Variants in BAHCC1 observed in about 807,000 individuals in gnomAD.
BAHCC1 encodes BAH domain and coiled-coil containing 1, also known as BAH and coiled-coil domain-containing protein 1.
In BAHCC1, 43 loss-of-function variants were observed where a neutral mutation model predicts 88.2. That is an observed-to-expected ratio of 0.49 (90% CI 0.38 to 0.63). The LOEUF is 0.63. BAHCC1 is among the 20% of genes least tolerant of loss of function. The probability of loss-of-function intolerance (pLI) is 0.00; values close to 1 mark genes in which losing one functional copy is unlikely to be tolerated. For synonymous variants in BAHCC1, 1,510 were observed against 745.5 expected, an observed-to-expected ratio of 2.03 and a Z score of -16.71; for missense variants, 3,023 against 1,654.8, an observed-to-expected ratio of 1.83 and a Z score of -14.34.
Position 81,464,149 on chromosome 17 carries a change from G to C in BAHCC1, c.*332G>C, listed in dbSNP as rs781827461. On this transcript the variant is annotated 3_prime_UTR_variant, in exon 28 of 28. Coordinates refer to ENST00000675386, the MANE Select transcript of BAHCC1 (RefSeq NM_001377448.1). ...CCAAGCCATATTCCCTAGTACCTCC[G>C]ACTGTCTCCCACCAGGGAAAGCAGA... The C allele has an allele frequency of 7.4e-6, 3 of 402,904 alleles. No individual in the cohort carries two copies. The highest frequency in any genetic ancestry group is 9.1e-6 in the Non-Finnish European group (2 of 219,190). 25.0% of individuals were successfully genotyped at this position (402,904 alleles called of 1,614,324 possible). A position where few individuals can be genotyped will look rare whatever the true frequency, so the allele number is the denominator to read the frequency against.
At chr17:81,406,953 C>T (rs1555647027) in intron 2 of BAHCC1, 1 of 456,278 alleles carries the variant, frequency 2.2e-6, no homozygotes, top group Non-Finnish European at 4.4e-6. Flanking sequence ...TTTTTTCATT[C>T]TGACCTGCTG....
chr17:81,415,554 G>A (rs1555648508), intron 2 of BAHCC1: 1 of 516,838 alleles, frequency 1.9e-6, no homozygotes. Flanking sequence ...CTTTCAGCCT[G>A]CAGTGACCTG....
intron 2 of BAHCC1, chr17:81,407,388 C>G (rs376681264): frequency 3.8e-6 from 2 of 520,048 alleles, no homozygotes; most frequent in South Asian, 2.8e-5. Flanking sequence ...GGTCTCAGTG[C>G]GACTCCCTCT....
At chr17:81,441,774 T>G (rs1598485888) in intron 4 of BAHCC1, 57 bp from the exon 5 acceptor site, 1 of 500,900 alleles carries the variant, frequency 2.0e-6, no homozygotes. Flanking sequence ...TCTCAGGGAG[T>G]CTTTCTCCAG....
intron 2 of BAHCC1, chr17:81,421,854 G>A (rs2064119636): frequency 3.8e-6 from 1 of 264,984 alleles, no homozygotes; most frequent in Non-Finnish European, 7.9e-6. Flanking sequence ...TCTCATGGTA[G>A]GCTCAGTACG....
chr17:81,427,952 CAAGA>C (rs1440417614), intron 3 of BAHCC1, among the ~76,000 whole-genome samples: 1 of 152,210 alleles, frequency 6.6e-6, no homozygotes, highest in Non-Finnish European at 1.5e-5. Flanking sequence ...CTTTGTGCAA[CAAGA>C]AAGGGGCTGT....
chr17:81,460,033 C>T (rs2030108729), intron 23 of BAHCC1, among the ~76,000 whole-genome samples: 1 of 151,984 alleles, frequency 6.6e-6, no homozygotes, highest in African/African-American at 2.4e-5. Flanking sequence ...TGGGCGTCAG[C>T]ACGTGTGGGG....
intron 11 of BAHCC1, among the ~76,000 whole-genome samples, chr17:81,449,281 GCCCCCA>G (rs542322798): frequency 1.2e-4 from 18 of 152,146 alleles, no homozygotes; most frequent in African/African-American, 4.1e-4. Context: ...CCCCCCCTGG[GCCCCCA>G]CCCCTGCCCC....
At position 81,443,865 on chromosome 17, in the gene BAHCC1, A is replaced by G; in HGVS notation, c.2272A>G (p.Thr758Ala). Residue 758 changes from threonine (T) to alanine (A), a missense_variant, in exon 6 of 28, where the codon ACG (threonine) becomes GCG (alanine). By Grantham distance (58) the Thr-to-Ala change is moderately conservative. Transcript: ENST00000675386. The stretch of plus-strand genomic sequence containing the variant: ...GGACCTGGAGGCTGAGGAGGAGAGG[A>G]CGAGGCTATGTGATGACCGCCTGGG... ...ALDLEAEEER[T>A]RLCDDRLGLA... 3 of 714,252 alleles carry G rather than the reference A, an allele frequency of 4.2e-6. No homozygotes were observed. The highest frequency in any genetic ancestry group is 1.7e-5 in the African/African-American group (1 of 57,352). 44.2% of individuals were successfully genotyped at this position (714,252 alleles called of 1,614,324 possible). A position where few individuals can be genotyped will look rare whatever the true frequency, so the allele number is the denominator to read the frequency against.
intron 4 of BAHCC1, 86 bp downstream of exon 4, chr17:81,438,578 G>A (rs2064369976): frequency 8.5e-6 from 6 of 704,790 alleles, no homozygotes; most frequent in Admixed American, 2.0e-5. Context: ...CAAGGGAAAG[G>A]CCAGCCTAGG....
intron 23 of BAHCC1, among the ~76,000 whole-genome samples, 197 bp downstream of exon 23, chr17:81,459,801 G>A (rs1315073253): frequency 3.3e-5 from 5 of 152,028 alleles, no homozygotes; most frequent in African/African-American, 7.2e-5. Flanking sequence ...TGGGGGCTCC[G>A]GCCTCCAGCC....
intron 2 of BAHCC1, among the ~76,000 whole-genome samples, chr17:81,414,514 C>T (rs1397275789): frequency 6.6e-6 from 1 of 152,236 alleles, no homozygotes; most frequent in Non-Finnish European, 1.5e-5. Context: ...CCAGCCCCAT[C>T]TACCCCATCC....
At chr17:81,448,357 C>CT (rs1466576149) in intron 11 of BAHCC1, among the ~76,000 whole-genome samples, 6 of 152,156 alleles carry the variant, frequency 3.9e-5, no homozygotes, top group Non-Finnish European at 8.8e-5. Context: ...CTCCTGGGCT[C>CT]TTCCGCCCAC....
intron 2 of BAHCC1, among the ~76,000 whole-genome samples, chr17:81,414,645 G>T (rs971088768): frequency 3.9e-5 from 6 of 152,210 alleles, no homozygotes; most frequent in Admixed American, 2.0e-4. Flanking sequence ...CGTGTGTGTC[G>T]TGAGGACGTG....
In BAHCC1 at chr17:81,445,378, G is replaced by C; in HGVS notation, c.2860G>C (p.Asp954His). The change falls in exon 10 of 28, where the codon GAT (aspartate) becomes CAT (histidine). Residue 954 changes from aspartate to histidine, a missense_variant. Transcript: ENST00000675386. Reference sequence around the variant, plus strand: ...GCGGAAGCCCGAAGACCAGCACCTGGATCTGGAGGAGCCCGCCCAGGAGAA... The same window carrying C: ...GCGGAAGCCCGAAGACCAGCACCTGCATCTGGAGGAGCCCGCCCAGGAGAA... ...FQRKPEDQHL[D>H]LEEPAQEKAP... is the part of the protein sequence containing the mutation. 1 of 776,972 alleles carries C rather than the reference G, an allele frequency of 1.3e-6. No individual in the cohort carries two copies. Among genetic ancestry groups the C allele is most frequent in the East Asian group, 2.4e-5 (1 of 41,124 alleles). The allele number at this position is 776,972 out of a possible 1,614,324, so 48.1% of individuals were successfully genotyped here.
chr17:81,459,971 C>G (rs1180988259), intron 23 of BAHCC1, among the ~76,000 whole-genome samples: 2 of 152,120 alleles, frequency 1.3e-5, no homozygotes, highest in African/African-American at 4.8e-5. Flanking sequence ...AGGCAAGTGG[C>G]CAGGTGGGCG....
intron 14 of BAHCC1, 139 bp from the exon 15 acceptor site, chr17:81,455,128 C>A (rs554816898): frequency 9.6e-6 from 6 of 622,500 alleles, no homozygotes; most frequent in Non-Finnish European, 1.8e-5. Context: ...GGCCCCTCAC[C>A]CCCTGCTCTG....
chr17:81,455,102 C>A (rs1192531512), intron 14 of BAHCC1, among the ~76,000 whole-genome samples, 165 bp from the exon 15 acceptor site: 5 of 152,212 alleles, frequency 3.3e-5, no homozygotes, highest in Non-Finnish European at 7.4e-5. Context: ...GAGGTCAGAG[C>A]TGGCTCGGCC....
At chr17:81,444,863 G>C (rs1555653897) in intron 8 of BAHCC1, 37 bp downstream of exon 8, 1 of 751,244 alleles carries the variant, frequency 1.3e-6, no homozygotes, top group Admixed American at 1.9e-5. Flanking sequence ...TACTTGGGGG[G>C]TGCTGTTGGA....
Sources: allele counts gnomAD v4.1 joint callset (sites outside exome capture counted in the v4.1 genomes callset), GRCh38; gene constraint gnomAD v4.1.1; transcripts MANE v1.5; gene names NCBI Gene and HGNC (gene_info 2026-07-23, HGNC 2026-07-21).